RIPOR3: variants seen among roughly 807,000 people sequenced by gnomAD.
RIPOR3 encodes the protein RIPOR family member 3, also known as family with sequence similarity 65 member C.
In RIPOR3, 95 loss-of-function variants were observed where a neutral mutation model predicts 114.3. The observed-to-expected ratio is 0.83, with a 90% CI of 0.70 to 0.99. The LOEUF is 0.99. Ranked by LOEUF, RIPOR3 falls within the 50% of genes least tolerant of loss-of-function variation. The probability of loss-of-function intolerance (pLI) is 0.00; values close to 1 mark genes in which losing one functional copy is unlikely to be tolerated. For missense variants in RIPOR3, 1,252 were observed against 1,266.9 expected, an observed-to-expected ratio of 0.99 and a Z score of 0.18; for synonymous variants, 575 against 543.8, an observed-to-expected ratio of 1.06 and a Z score of -0.80.
chr20:50,601,935 G>T, intron 13 of RIPOR3, 137 bp downstream of exon 13: 1 of 814,016 alleles, frequency 1.2e-6, no homozygotes, highest in Non-Finnish European at 1.8e-6. Context: ...CCAAGGCCCA[G>T]AGAGACACGG....
rs1040182155 is a variant in RIPOR3 at position 50,594,716 on chromosome 20, T to C, written c.2051-2A>G. The C allele has an allele frequency of 1.2e-6, 2 of 1,607,242 alleles. No individual in the cohort carries two copies. The highest frequency in any genetic ancestry group is 8.5e-7 in the Non-Finnish European group (1 of 1,175,172). Reference sequence around the variant, plus strand: ...TCGTCCGCGAGGCCTGTGGGATGACTGAAAGCCCCAGTTCAGAAACCTGAA... The same window carrying C: ...TCGTCCGCGAGGCCTGTGGGATGACCGAAAGCCCCAGTTCAGAAACCTGAA... On this transcript the variant is annotated splice_acceptor_variant, in intron 16 of 21. Coordinates refer to ENST00000327979, the MANE Select transcript of RIPOR3 (RefSeq NM_001290268.2). LOFTEE classifies it high-confidence loss of function.
At chr20:50,606,982 C>G (rs550360376) in intron 11 of RIPOR3, among the ~76,000 whole-genome samples, 3 of 152,258 alleles carry the variant, frequency 2.0e-5, no homozygotes, top group African/African-American at 7.2e-5. Context: ...TGCCCACCTA[C>G]GCCTCTCAAA....
At chr20:50,671,425 C>T (rs985184776) in intron 1 of RIPOR3, among the ~76,000 whole-genome samples, 56 of 13,144 alleles carry the variant, frequency 4.3e-3, no homozygotes, top group Non-Finnish European at 0.011. Flanking sequence ...TGCACGCGCG[C>T]GCGCACACAC....
intron 1 of RIPOR3, chr20:50,659,736 G>A (rs1600705900): frequency 6.6e-6 from 1 of 152,030 alleles, no homozygotes; most frequent in Non-Finnish European, 1.5e-5. Flanking sequence ...GCCTCTTTGG[G>A]TGGTTTCCAG....
intron 2 of RIPOR3, among the ~76,000 whole-genome samples, chr20:50,623,260 TAAAAAAAA>T (rs57108911): frequency 8.8e-6 from 1 of 113,270 alleles, no homozygotes; most frequent in Non-Finnish European, 2.0e-5. Flanking sequence ...AACTCTGCCT[TAAAAAAAA>T]AAAAAAAAAA....
At chr20:50,649,848 A>G (rs879322108) in intron 1 of RIPOR3, among the ~76,000 whole-genome samples, 7 of 152,030 alleles carry the variant, frequency 4.6e-5, no homozygotes, top group Admixed American at 4.6e-4. Context: ...GGGGCAGGGG[A>G]TGATCTGGGC....
rs1486932474 is a variant in RIPOR3, at chr20:50,594,708, G to C, written c.2057C>G (p.Pro686Arg). 1.2e-6 allele frequency: 2 copies of C among 1,608,926 alleles called. No homozygotes were observed. Among genetic ancestry groups the C allele is most frequent in the African/African-American group, 1.3e-5 (1 of 74,812 alleles). Residue 686 changes from proline (P) to arginine (R), a missense_variant, in exon 17 of 22, where the codon CCA becomes CGA. By Grantham distance (103) the Pro-to-Arg change is moderately radical (BLOSUM62 -2). Coordinates refer to ENST00000327979, the MANE Select transcript of RIPOR3 (RefSeq NM_001290268.2). ...GKATSIEEII[P>R]QASRTKGCLK... The stretch of plus-strand genomic sequence containing the variant: ...GCACCCCTTCGTCCGCGAGGCCTGT[G>C]GGATGACTGAAAGCCCCAGTTCAGA...
At chr20:50,666,244 TCTGTTGCCCAGAGTC>T (rs1485928848) in intron 1 of RIPOR3, among the ~76,000 whole-genome samples, 1 of 57,098 alleles carries the variant, frequency 1.8e-5, no homozygotes, top group African/African-American at 4.1e-5. Flanking sequence ...GGAGTCACGC[TCTGTTGCCCAGAGTC>T]ACGCTCTGTT....
chr20:50,596,208 T>C lies in RIPOR3; in HGVS notation c.1846A>G (p.Thr616Ala). The part of the protein sequence containing the change: ...SSLKASSREL[T>A]AGAPELDVLL... The stretch of plus-strand genomic sequence containing the variant: ...ACGTCCAGCTCTGGGGCACCGGCTG[T>C]GAGTTCCCTGGATGACGCTTTCAGT... The change falls in exon 15 of 22, where the codon ACA (threonine) becomes GCA (alanine). Residue 616 changes from threonine (T) to alanine (A), a missense_variant. Coordinates refer to ENST00000327979, the MANE Select transcript of RIPOR3 (RefSeq NM_001290268.2). 6.2e-7 allele frequency: 1 copy of C among 1,614,140 alleles called. No individual in the cohort carries two copies. The highest frequency in any genetic ancestry group is 2.2e-5 in the East Asian group (1 of 44,884).
intron 1 of RIPOR3, among the ~76,000 whole-genome samples, chr20:50,635,591 G>A (rs1359923515): frequency 1.3e-5 from 2 of 152,114 alleles, no homozygotes; most frequent in East Asian, 3.9e-4. Context: ...CCAGCAAGTC[G>A]AGGCTGCAGT....
At chr20:50,661,984 C>G (rs1200419630) in intron 1 of RIPOR3, 2 of 152,434 alleles carry the variant, frequency 1.3e-5, no homozygotes. Flanking sequence ...CTGCAGCCTC[C>G]GTTGTCGCCA....
In RIPOR3 at chr20:50,616,048, TCCAGCTCAG is replaced by T; in HGVS notation, c.293_301del (p.Ala98_Leu100del). 2.5e-6 allele frequency: 4 copies of T among 1,611,914 alleles called. No homozygotes were observed. The highest frequency in any genetic ancestry group is 3.4e-6 in the Non-Finnish European group (4 of 1,179,246). On this transcript the variant is annotated inframe_deletion, in exon 4 of 22. Coordinates refer to ENST00000327979, the MANE Select transcript of RIPOR3 (RefSeq NM_001290268.2). ...GTCTTTGTGGCGTCCAGACAGGTGG[TCCAGCTCAG>T]CCTGCTGCACACACAGATACTCCCT...
Position 50,594,762 on chromosome 20 carries a change from A to G in RIPOR3, c.2051-48T>C, listed in dbSNP as rs765950286. ...CTGAATGGTGACTCGGGGAGAGCAC[A>G]TGACAAGGACCCGAAAGGTTTCCCT... is the stretch of plus-strand genomic sequence containing the variant. On this transcript the variant is annotated intron_variant, in intron 16 of 21. Coordinates refer to ENST00000327979, the MANE Select transcript of RIPOR3 (RefSeq NM_001290268.2). The G allele has an allele frequency of 1.1e-5, 18 of 1,575,808 alleles. No homozygotes were observed. The Admixed American group carries it at 2.4e-4, about 21-fold the overall frequency.
chr20:50,684,432 G>A (rs1439350907), intron 1 of RIPOR3, among the ~76,000 whole-genome samples: 3 of 152,262 alleles, frequency 2.0e-5, no homozygotes, highest in Non-Finnish European at 4.4e-5. Flanking sequence ...GAGTGGGAAG[G>A]AGGAGAGATA....
chr20:50,659,066 G>A (rs2085908285), intron 1 of RIPOR3, among the ~76,000 whole-genome samples: 1 of 152,168 alleles, frequency 6.6e-6, no homozygotes, highest in Admixed American at 6.5e-5. Flanking sequence ...GGCCAAACAA[G>A]TTCTTCCAGA....
intron 1 of RIPOR3, among the ~76,000 whole-genome samples, chr20:50,689,172 C>CTTT (rs71964773): frequency 1.9e-4 from 17 of 88,808 alleles, no homozygotes; most frequent in African/African-American, 6.1e-4. Flanking sequence ...CTCCAAACTT[C>CTTT]TTTTTTTTTT....
intron 1 of RIPOR3, among the ~76,000 whole-genome samples, chr20:50,690,842 A>G (rs2087188663): frequency 6.6e-6 from 1 of 152,218 alleles, no homozygotes; most frequent in Admixed American, 6.5e-5. Flanking sequence ...CAGATACACA[A>G]GGAATAGCTG....
chr20:50,601,929 G>T, intron 13 of RIPOR3, 143 bp downstream of exon 13: 1 of 754,264 alleles, frequency 1.3e-6, no homozygotes, highest in Non-Finnish European at 2.0e-6. Context: ...AGGAAACCAA[G>T]GCCCAGAGAG....
intron 1 of RIPOR3, among the ~76,000 whole-genome samples, chr20:50,666,609 G>T (rs921048773): frequency 6.6e-6 from 1 of 151,358 alleles, no homozygotes; most frequent in Non-Finnish European, 1.5e-5. Flanking sequence ...CTGTTGCCTA[G>T]GCTGGAGTGC....
Sources: allele counts gnomAD v4.1 joint callset (sites outside exome capture counted in the v4.1 genomes callset), GRCh38; gene constraint gnomAD v4.1.1; transcripts MANE v1.5; gene names NCBI Gene and HGNC (gene_info 2026-07-23, HGNC 2026-07-21).